Variants in SHOX2 observed in about 807,000 individuals in gnomAD.
The protein encoded by SHOX2 is SHOX homeobox 2, also known as short stature homeobox protein 2.
SHOX2 carries 13 observed loss-of-function variants against 31.3 expected under a neutral mutation model. The ratio of observed to expected loss-of-function variants is 0.42; its 90% confidence interval spans 0.27 to 0.66. SHOX2 has a LOEUF of 0.66. Among genes scored for constraint, SHOX2 ranks in the 30% least tolerant of loss-of-function variants. The pLI is 0.27. For synonymous variants in SHOX2, 244 were observed against 196.2 expected (o/e 1.24, Z -2.04); for missense variants, 473 against 443.0 (o/e 1.07, Z -0.61).
In SHOX2 at chr3:158,098,077, C is replaced by T. The variant is rs1167351239; in HGVS notation, c.910G>A (p.Ala304Thr). The T allele has an allele frequency of 4.3e-6, 7 of 1,611,362 alleles. No individual in the cohort carries two copies. The highest frequency in any genetic ancestry group is 5.1e-6 in the Non-Finnish European group (6 of 1,178,368). ...TTTTTGGCTTTCAGTCTGAGATCGG[C>T]GATGCTGGAGTTCTTGCTGGTGGTC... ...AKTTSKNSSI[A>T]DLRLKAKKHA... Residue 304 changes from alanine to threonine, a missense_variant, in exon 5 of 5, where the codon GCC becomes ACC. Physicochemically the swap from Ala to Thr is moderately conservative, Grantham distance 58. This residue lies in a region of SHOX2 where 182 missense variants were observed against 167.2 expected (regional missense o/e 1.09). Coordinates refer to ENST00000483851, the MANE Select transcript of SHOX2 (RefSeq NM_001163678.2).
Position 158,096,888 on chromosome 3 carries a change from A to AC in SHOX2, c.*1138_*1139insG, listed in dbSNP as rs1713117534. 1.0e-5 allele frequency: 1 copy of AC among 96,156 alleles called. No individual in the cohort carries two copies. Among genetic ancestry groups the AC allele is most frequent in the Non-Finnish European group, 2.0e-5 (1 of 49,980 alleles). The allele number at this position is 96,156 out of a possible 1,614,324, so 6.0% of individuals were successfully genotyped here. ...TGTTCCCCAGGATCAAAGACAGGGC[A>AC]AATATATATATATATATATATATAT... is the stretch of plus-strand genomic sequence containing the variant. On this transcript the variant is annotated 3_prime_UTR_variant, in exon 5 of 5. Transcript: ENST00000483851.
Position 158,099,854 on chromosome 3 carries a change from A to G in SHOX2, c.702+6T>C. 1 of 1,608,908 alleles carries G rather than the reference A, an allele frequency of 6.2e-7. No individual in the cohort carries two copies. Among genetic ancestry groups the G allele is most frequent in the Non-Finnish European group, 8.5e-7 (1 of 1,175,310 alleles). On this transcript the variant is annotated splice_donor_region_variant and intron_variant, in intron 4 of 4. Coordinates refer to ENST00000483851, the MANE Select transcript of SHOX2 (RefSeq NM_001163678.2). The stretch of plus-strand genomic sequence containing the variant: ...TAAAAACAGCTTGAAACTAGGCTGT[A>G]CTTGCCTGCTGAAATGGCATCCTTA...
Position 158,096,915 on chromosome 3 carries a change from T to C in SHOX2, c.*1112A>G, listed in dbSNP as rs1269951557. 4.3e-5 allele frequency: 5 copies of C among 116,448 alleles called. No individual in the cohort carries two copies. Among genetic ancestry groups the C allele is most frequent in the Non-Finnish European group, 9.4e-5 (5 of 53,050 alleles). 7.2% of individuals were successfully genotyped at this position (116,448 alleles called of 1,614,324 possible). ...ATATATATATATATATATATATATA[T>C]ATATATATATATATATGGCAAATAT... On this transcript the variant is annotated 3_prime_UTR_variant, in exon 5 of 5. Coordinates refer to ENST00000483851, the MANE Select transcript of SHOX2 (RefSeq NM_001163678.2).
chr3:158,098,308 T>G lies in SHOX2; in HGVS notation c.703-24A>C, dbSNP rs772063838. The G allele has an allele frequency of 1.1e-5, 18 of 1,610,746 alleles. No homozygotes were observed. The East Asian group carries it at 3.1e-4, about 28-fold the overall frequency. ...ACCTGAAAGGACAAGGGCGTCACGT[T>G]GCAATGACTATCCTAGGGTGACAAC... On this transcript the variant is annotated intron_variant, in intron 4 of 4. Transcript: ENST00000483851.
chr3:158,099,107 A>G (rs1713318479), intron 4 of SHOX2, among the ~76,000 whole-genome samples: 1 of 152,168 alleles, frequency 6.6e-6, no homozygotes, highest in Admixed American at 6.5e-5. Context: ...GGAGACTGAG[A>G]GCTAATTCAT....
chr3:158,104,162 T>C (rs1713698933), intron 1 of SHOX2: 1 of 152,278 alleles, frequency 6.6e-6, no homozygotes, highest in African/African-American at 2.4e-5. Context: ...AATTAATACT[T>C]GCCCTGAGCT....
At chr3:158,105,266 C>A in intron 1 of SHOX2, 1 of 648,456 alleles carries the variant, frequency 1.5e-6, no homozygotes, top group Non-Finnish European at 2.8e-6. Flanking sequence ...TTCTCCCTCC[C>A]GGCAAACTCT....
Position 158,106,384 on chromosome 3 carries a change from T to G in SHOX2, c.-360A>C. 7.1e-6 allele frequency: 2 copies of G among 281,416 alleles called. No homozygotes were observed. 17.4% of individuals were successfully genotyped at this position (281,416 alleles called of 1,614,324 possible). ...CGCGCTTGTTCAATGTTAAGATCTT[T>G]GACAATTCTTCCTGCGGAGAGTTCA... On this transcript the variant is annotated 5_prime_UTR_variant, in exon 1 of 5. Coordinates refer to ENST00000483851, the MANE Select transcript of SHOX2 (RefSeq NM_001163678.2).
chr3:158,097,835 G>T lies in SHOX2; in HGVS notation c.*192C>A. On this transcript the variant is annotated 3_prime_UTR_variant, in exon 5 of 5. Coordinates refer to ENST00000483851, the MANE Select transcript of SHOX2 (RefSeq NM_001163678.2). ...AGGAGCCACGGAGCCTGCGTGCCTC[G>T]TGAGATCCCTGGTCCTGCGTGGAGT... 1.3e-6 allele frequency: 1 copy of T among 743,202 alleles called. No homozygotes were observed. Among genetic ancestry groups the T allele is most frequent in the Non-Finnish European group, 2.2e-6 (1 of 456,058 alleles). 46.0% of individuals were successfully genotyped at this position (743,202 alleles called of 1,614,324 possible). A position where few individuals can be genotyped will look rare whatever the true frequency, so the allele number is the denominator to read the frequency against.
At chr3:158,102,152 A>T (rs981976380) in intron 2 of SHOX2, among the ~76,000 whole-genome samples, 3 of 152,238 alleles carry the variant, frequency 2.0e-5, no homozygotes, top group African/African-American at 7.2e-5. Flanking sequence ...CTAACAGCAG[A>T]CTGTAAATTT....
At chr3:158,101,812 C>T (rs1198663065) in intron 2 of SHOX2, among the ~76,000 whole-genome samples, 1 of 152,204 alleles carries the variant, frequency 6.6e-6, no homozygotes, top group Non-Finnish European at 1.5e-5. Context: ...GAAATACAAT[C>T]TGAAACATTT....
At chr3:158,105,272 AC>A (rs1208839512) in intron 1 of SHOX2, 36 of 631,708 alleles carry the variant, frequency 5.7e-5, no homozygotes, top group Non-Finnish European at 9.1e-5. Context: ...CTCCCGGCAA[AC>A]TCTGCGCTAG....
At position 158,100,711 on chromosome 3, in the gene SHOX2, A is replaced by C. The variant is rs577094122; in HGVS notation, c.556-400T>G. Among the ~76,000 whole-genome samples the C allele has an allele frequency of 6.7e-4, 102 of 152,312 alleles. 1 individual carries two copies. The South Asian group carries it at 0.021, about 31-fold the overall frequency. On this transcript the variant is annotated intron_variant, in intron 2 of 4. Coordinates refer to ENST00000483851, the MANE Select transcript of SHOX2 (RefSeq NM_001163678.2). ...TAGCTTCATCTTAAAGAAAAACCAA[A>C]CACCAGAGCAAATAATGACTCCTTT...
intron 1 of SHOX2, chr3:158,103,716 T>C (rs537985675): frequency 3.3e-5 from 5 of 152,320 alleles, no homozygotes; most frequent in Admixed American, 1.3e-4. Flanking sequence ...AACCGCTCTT[T>C]CTGTTCTCTC....
intron 2 of SHOX2, 62 bp downstream of exon 2, chr3:158,102,616 C>T: frequency 7.1e-7 from 1 of 1,402,990 alleles, no homozygotes; most frequent in Non-Finnish European, 1.0e-6. Flanking sequence ...GTCCCCCAAG[C>T]CTCTTTCCAA....
Position 158,098,043 on chromosome 3 carries a change from G to T in SHOX2, c.944C>A (p.Ala315Glu), listed in dbSNP as rs759848879. ...DLRLKAKKHA[A>E]ALGL Reference sequence around the variant, plus strand: ...GCGTTGGCGTCACAGACCCAGGGCTGCGGCGTGCTTTTTGGCTTTCAGTCT... The same window carrying T: ...GCGTTGGCGTCACAGACCCAGGGCTTCGGCGTGCTTTTTGGCTTTCAGTCT... Residue 315 changes from alanine (A) to glutamate (E), a missense_variant, in exon 5 of 5, where the codon GCA becomes GAA. Physicochemically the swap from Ala to Glu is moderately radical, Grantham distance 107. This residue lies in a region of SHOX2 where 182 missense variants were observed against 167.2 expected (regional missense o/e 1.09). Transcript: ENST00000483851. 18 of 1,604,496 alleles carry T rather than the reference G, an allele frequency of 1.1e-5. No individual in the cohort carries two copies. Among genetic ancestry groups the T allele is most frequent in the Non-Finnish European group, 1.4e-5 (16 of 1,174,136 alleles).
At position 158,106,142 on chromosome 3, in the gene SHOX2, G is replaced by T; in HGVS notation, c.-118C>A. 1 of 1,498,314 alleles carries T rather than the reference G, an allele frequency of 6.7e-7. No homozygotes were observed. The highest frequency in any genetic ancestry group is 9.0e-7 in the Non-Finnish European group (1 of 1,115,632). 92.8% of individuals were successfully genotyped at this position (1,498,314 alleles called of 1,614,324 possible). On this transcript the variant is annotated 5_prime_UTR_variant, in exon 1 of 5. Coordinates refer to ENST00000483851, the MANE Select transcript of SHOX2 (RefSeq NM_001163678.2). ...TAATAACACATCAATGGGACAGGAGGTGGGGGAGGAGAGGGAGGAGGAGAA... is the reference window on the plus strand; with the variant it reads ...TAATAACACATCAATGGGACAGGAGTTGGGGGAGGAGAGGGAGGAGGAGAA...
chr3:158,101,684 C>T (rs914289813), intron 2 of SHOX2, among the ~76,000 whole-genome samples: 2 of 152,000 alleles, frequency 1.3e-5, no homozygotes, highest in Non-Finnish European at 2.9e-5. Context: ...GCCCAGAGAC[C>T]GAAAGAGTAT....
At chr3:158,104,951 T>C (rs1713769069) in intron 1 of SHOX2, 2 of 719,264 alleles carry the variant, frequency 2.8e-6, no homozygotes, top group Admixed American at 4.3e-5. Context: ...ACCAAAGGAT[T>C]TTTGCTCTAA....
Sources: gnomAD v4.1 joint callset for allele counts (sites outside exome capture counted in the v4.1 genomes callset) on GRCh38, gnomAD v4.1.1 for gene constraint, gnomAD v4.1.1 regional missense constraint, MANE v1.5 for transcripts, NCBI Gene and HGNC (gene_info 2026-07-23, HGNC 2026-07-21) for gene names.